Variants in NELL1 observed in about 807,000 individuals in gnomAD.
NELL1 encodes the protein neural EGFL like 1, also known as protein kinase C-binding protein NELL1.
Under a neutral mutation model 107.4 loss-of-function variants are expected in NELL1, and 76 were observed. The ratio of observed to expected loss-of-function variants is 0.71; its 90% CI spans 0.59 to 0.86. NELL1 has a LOEUF of 0.86. Among genes scored for constraint, NELL1 ranks in the 40% least tolerant of loss-of-function variants. The probability of loss-of-function intolerance (pLI) is 0.00; values close to 1 mark genes in which losing one functional copy is unlikely to be tolerated. For synonymous variants in NELL1, 353 were observed against 341.2 expected (o/e 1.03, Z -0.38); for missense variants, 1,024 against 1,005.5 (o/e 1.02, Z -0.25).
At chr11:20,952,246 C>A (rs1181835596) in intron 11 of NELL1, among the ~76,000 whole-genome samples, 2 of 152,062 alleles carry the variant, frequency 1.3e-5, no homozygotes, top group African/African-American at 2.4e-5. Context: ...TTTATGACTT[C>A]TAGTGTTGGG....
intron 13 of NELL1, among the ~76,000 whole-genome samples, chr11:21,136,399 A>G (rs1035179833): frequency 6.6e-6 from 1 of 152,228 alleles, no homozygotes; most frequent in South Asian, 2.1e-4. Flanking sequence ...AGAAGCCATT[A>G]AAAGCTTATT....
At chr11:20,734,803 G>T (rs1203292657) in intron 2 of NELL1, among the ~76,000 whole-genome samples, 1 of 152,252 alleles carries the variant, frequency 6.6e-6, no homozygotes, top group Non-Finnish European at 1.5e-5. Flanking sequence ...AGGCCAAGGT[G>T]GTGATAAGAT....
intron 14 of NELL1, among the ~76,000 whole-genome samples, chr11:21,247,202 G>T (rs1361446840): frequency 1.3e-5 from 2 of 152,048 alleles, no homozygotes; most frequent in African/African-American, 2.4e-5. Context: ...ACTATGGTAG[G>T]CTGTATATAC....
chr11:21,216,524 A>G (rs370577662), intron 13 of NELL1, among the ~76,000 whole-genome samples: 12 of 152,220 alleles, frequency 7.9e-5, no homozygotes, highest in Admixed American at 3.9e-4. Context: ...TTGCAAAGCC[A>G]CAGGGCTGGA....
intron 13 of NELL1, among the ~76,000 whole-genome samples, chr11:21,159,418 A>G (rs1417621893): frequency 6.6e-6 from 1 of 152,220 alleles, no homozygotes; most frequent in Admixed American, 6.5e-5. Context: ...TGCACATCTA[A>G]GATCCTGCCT....
At chr11:20,964,655 A>G (rs1851354706) in intron 12 of NELL1, among the ~76,000 whole-genome samples, 1 of 152,164 alleles carries the variant, frequency 6.6e-6, no homozygotes, top group South Asian at 2.1e-4. Context: ...CTCTTCTTCC[A>G]CTACCCACAC....
intron 2 of NELL1, among the ~76,000 whole-genome samples, chr11:20,767,954 T>A (rs892210838): frequency 6.6e-6 from 1 of 152,030 alleles, no homozygotes; most frequent in Non-Finnish European, 1.5e-5. Context: ...AGAGCTATAC[T>A]GGAGAGAGAA....
chr11:20,915,717 A>ATTTTTTTTTT (rs67447563), intron 5 of NELL1, among the ~76,000 whole-genome samples: 2 of 58,216 alleles, frequency 3.4e-5, no homozygotes, highest in African/African-American at 1.8e-4. Context: ...ATATATATAT[A>ATTTTTTTTTT]TTTTTTTTTT....
At chr11:20,936,527 T>C (rs1850728935) in intron 9 of NELL1, among the ~76,000 whole-genome samples, 1 of 152,210 alleles carries the variant, frequency 6.6e-6, no homozygotes. Flanking sequence ...TCTCACCTGG[T>C]CATCCTCTTT....
chr11:20,753,595 C>T (rs1856193511), intron 2 of NELL1, among the ~76,000 whole-genome samples: 1 of 152,140 alleles, frequency 6.6e-6, no homozygotes, highest in Non-Finnish European at 1.5e-5. Context: ...TCTTTAAAAA[C>T]CAGGGCCAAG....
At chr11:21,225,156 T>C (rs992587843) in intron 13 of NELL1, among the ~76,000 whole-genome samples, 4 of 152,166 alleles carry the variant, frequency 2.6e-5, no homozygotes, top group Non-Finnish European at 5.9e-5. Context: ...ACCCCAGGAA[T>C]ATGGACATGC....
intron 5 of NELL1, among the ~76,000 whole-genome samples, chr11:20,911,605 T>C (rs1401800400): frequency 6.6e-6 from 1 of 152,154 alleles, no homozygotes; most frequent in Non-Finnish European, 1.5e-5. Flanking sequence ...GAGACAGAAT[T>C]TGTCTTTTTC....
At chr11:20,801,810 T>C (rs1427294829) in intron 3 of NELL1, among the ~76,000 whole-genome samples, 1 of 152,226 alleles carries the variant, frequency 6.6e-6, no homozygotes, top group African/African-American at 2.4e-5. Context: ...GGTCCAGTTT[T>C]CCCAGCATCG....
At chr11:20,981,956 TTCTCTCTCTCTC>T (rs68140364) in intron 12 of NELL1, among the ~76,000 whole-genome samples, 2 of 148,656 alleles carry the variant, frequency 1.3e-5, no homozygotes, top group African/African-American at 2.5e-5. Flanking sequence ...CTCTCTCTCT[TTCTCTCTCTCTC>T]TCTCTCTCTC....
chr11:20,896,624 C>T (rs141132656), intron 5 of NELL1, among the ~76,000 whole-genome samples: 1,961 of 152,226 alleles, frequency 0.013, 24 homozygotes, highest in Non-Finnish European at 0.021. Context: ...GTCAAATTGT[C>T]CCTGTTTGCA....
At chr11:21,074,781 A>G (rs551238404) in intron 12 of NELL1, among the ~76,000 whole-genome samples, 5 of 152,250 alleles carry the variant, frequency 3.3e-5, no homozygotes, top group African/African-American at 1.2e-4. Context: ...TCTGATGTGC[A>G]GTCAAGCCTG....
intron 15 of NELL1, among the ~76,000 whole-genome samples, chr11:21,427,775 A>G (rs966810173): frequency 2.8e-4 from 42 of 152,198 alleles, no homozygotes; most frequent in African/African-American, 1.0e-3. Flanking sequence ...TATAGGTAAA[A>G]GAAACCCAAG....
intron 15 of NELL1, among the ~76,000 whole-genome samples, chr11:21,472,798 C>T (rs1019350542): frequency 2.0e-5 from 3 of 151,814 alleles, no homozygotes; most frequent in Non-Finnish European, 2.9e-5. Context: ...TTCACTCACT[C>T]GTCCCCTTCC....
chr11:21,169,823 C>A (rs1233902349), intron 13 of NELL1: 2 of 1,404,226 alleles, frequency 1.4e-6, no homozygotes, highest in Admixed American at 1.8e-5. Flanking sequence ...GCCTGCTGAG[C>A]CCGATGCAAG....
Sources: allele counts gnomAD v4.1 joint callset (sites outside exome capture counted in the v4.1 genomes callset), GRCh38; gene constraint gnomAD v4.1.1; transcripts MANE v1.5; gene names NCBI Gene and HGNC (gene_info 2026-07-23, HGNC 2026-07-21).